CDC40: variants seen among roughly 807,000 people sequenced by gnomAD.
CDC40 encodes the protein pre-mRNA-processing factor 17.
Under a neutral mutation model 80.6 loss-of-function variants are expected in CDC40, and 27 were observed. That is an observed-to-expected ratio of 0.33 (90% CI 0.25 to 0.46). The LOEUF is 0.46. CDC40 is among the 20% of genes least tolerant of loss of function. The probability of loss-of-function intolerance (pLI) is 1.00; values close to 1 mark genes in which losing one functional copy is unlikely to be tolerated. For synonymous variants in CDC40, 221 were observed against 232.6 expected (o/e 0.95, Z 0.45); for missense variants, 486 against 694.1 (o/e 0.70, Z 3.37).
In CDC40 at chr6:110,231,069, A is replaced by G. The variant is rs1777930607; in HGVS notation, c.*938A>G. The G allele has an allele frequency of 1.3e-5, 2 of 152,248 alleles. No homozygotes were observed. The highest frequency in any genetic ancestry group is 1.3e-4 in the Admixed American group (2 of 15,288). The allele number at this position is 152,248 out of a possible 1,614,324, so 9.4% of individuals were successfully genotyped here. On this transcript the variant is annotated 3_prime_UTR_variant, in exon 15 of 15. Coordinates refer to ENST00000307731, the MANE Select transcript of CDC40 (RefSeq NM_015891.3). ...TATTTTACCTGTGAATATATACAAC[A>G]GAACTTTTTAAGATTAAAAAATTTT... is the stretch of plus-strand genomic sequence containing the variant.
intron 13 of CDC40, among the ~76,000 whole-genome samples, chr6:110,228,628 C>G (rs1485311983): frequency 2.0e-5 from 3 of 151,830 alleles, no homozygotes; most frequent in Non-Finnish European, 4.4e-5. Flanking sequence ...ATCGTATATG[C>G]AAAAGCCATT....
intron 1 of CDC40, among the ~76,000 whole-genome samples, chr6:110,187,304 G>T (rs944819578): frequency 6.6e-6 from 1 of 152,208 alleles, no homozygotes; most frequent in Admixed American, 6.5e-5. Flanking sequence ...AAAAACAAAA[G>T]CAGATCTGGC....
At chr6:110,207,435 T>C in intron 3 of CDC40, 71 bp from the exon 4 acceptor site, 1 of 795,412 alleles carries the variant, frequency 1.3e-6, no homozygotes, top group South Asian at 1.6e-5. Context: ...AATGTGTATA[T>C]TTGTATTATA....
intron 12 of CDC40, among the ~76,000 whole-genome samples, chr6:110,220,514 A>C (rs111399956): frequency 7.4e-6 from 1 of 135,846 alleles, no homozygotes; most frequent in African/African-American, 2.8e-5. Flanking sequence ...GCGCAATCTC[A>C]GCTCACTGCA....
chr6:110,182,921 G>A (rs1777219041), intron 1 of CDC40, among the ~76,000 whole-genome samples: 1 of 152,130 alleles, frequency 6.6e-6, no homozygotes, highest in Non-Finnish European at 1.5e-5. Flanking sequence ...TCACTTCCCT[G>A]CCCAAAGACA....
intron 4 of CDC40, among the ~76,000 whole-genome samples, chr6:110,208,754 C>T (rs888422209): frequency 6.6e-6 from 1 of 152,146 alleles, no homozygotes; most frequent in Non-Finnish European, 1.5e-5. Context: ...AATCCACTGA[C>T]ACAGCTTTTT....
chr6:110,230,099 G>A lies in CDC40; in HGVS notation c.1708G>A (p.Gly570Ser). The A allele has an allele frequency of 1.2e-6, 2 of 1,612,222 alleles. No individual in the cohort carries two copies. Among genetic ancestry groups the A allele is most frequent in the Non-Finnish European group, 1.7e-6 (2 of 1,178,610 alleles). The change falls in exon 15 of 15, where the codon GGT (glycine) becomes AGT (serine). Residue 570 changes from glycine (G) to serine (S), a missense_variant. Physicochemically the swap from Gly to Ser is moderately conservative, Grantham distance 56 (BLOSUM62 0). Coordinates refer to ENST00000307731, the MANE Select transcript of CDC40 (RefSeq NM_015891.3). ...TGAAACTTCTAAGGTCATAACATGT[G>A]GTTGGGATGGTCTCATTAAATTGTG... ...PHETSKVITC[G>S]WDGLIKLWD
chr6:110,217,944 A>G, intron 10 of CDC40, 141 bp downstream of exon 10: 1 of 529,940 alleles, frequency 1.9e-6, no homozygotes, highest in East Asian at 3.4e-5. Flanking sequence ...ATATCACAAA[A>G]TACATTTGTA....
chr6:110,183,964 G>T (rs539388496), intron 1 of CDC40, among the ~76,000 whole-genome samples: 22 of 151,804 alleles, frequency 1.4e-4, no homozygotes, highest in African/African-American at 5.3e-4. Flanking sequence ...TTTGTGACTT[G>T]TCTTCTCACT....
intron 9 of CDC40, 41 bp from the exon 10 acceptor site, chr6:110,217,661 A>G (rs1052672152): frequency 3.5e-6 from 3 of 865,536 alleles, no homozygotes; most frequent in African/African-American, 3.3e-5. Flanking sequence ...AAGATATATG[A>G]TACTTCACCT....
intron 1 of CDC40, 27 bp downstream of exon 1, chr6:110,180,660 G>A (rs771864383): frequency 1.3e-6 from 2 of 1,563,480 alleles, no homozygotes; most frequent in Non-Finnish European, 1.8e-6. Flanking sequence ...CTAATGCAGT[G>A]TGGGAATTGT....
intron 3 of CDC40, among the ~76,000 whole-genome samples, chr6:110,204,557 G>T (rs542768542): frequency 6.6e-6 from 1 of 151,242 alleles, no homozygotes; most frequent in East Asian, 2.0e-4. Flanking sequence ...GTAGGTAAAA[G>T]AATATGTGTT....
chr6:110,195,450 T>C (rs893901404), intron 2 of CDC40, among the ~76,000 whole-genome samples: 3 of 152,192 alleles, frequency 2.0e-5, no homozygotes, highest in African/African-American at 7.2e-5. Context: ...AATGTTTGAA[T>C]TGGGCAATTC....
intron 9 of CDC40, 147 bp from the exon 10 acceptor site, chr6:110,217,555 G>T: frequency 1.7e-6 from 1 of 591,690 alleles, no homozygotes; most frequent in Non-Finnish European, 3.0e-6. Context: ...TTCTAAGTCA[G>T]TAAATCAGGC....
At chr6:110,197,078 A>G (rs1023214106) in intron 2 of CDC40, among the ~76,000 whole-genome samples, 3 of 152,236 alleles carry the variant, frequency 2.0e-5, no homozygotes, top group Non-Finnish European at 4.4e-5. Context: ...TGACTCACCA[A>G]TACTCTACCG....
At chr6:110,214,072 A>C (rs950107196) in intron 8 of CDC40, among the ~76,000 whole-genome samples, 1 of 152,160 alleles carries the variant, frequency 6.6e-6, no homozygotes, top group African/African-American at 2.4e-5. Flanking sequence ...TAATTCATGG[A>C]TATTAACAAT....
Position 110,207,596 on chromosome 6 carries a change from TATTTG to T in CDC40, c.490+9_490+13del. 7.0e-7 allele frequency: 1 copy of T among 1,432,638 alleles called. No homozygotes were observed. 88.7% of individuals were successfully genotyped at this position (1,432,638 alleles called of 1,614,324 possible). A position where few individuals can be genotyped will look rare whatever the true frequency, so the allele number is the denominator to read the frequency against. ...GAAGCTGAAAAAAATCAAGGTAATT[TATTTG>T]AAACATTTGATATCATATATACCTA... On this transcript the variant is annotated splice_region_variant and intron_variant, in intron 4 of 14. Coordinates refer to ENST00000307731, the MANE Select transcript of CDC40 (RefSeq NM_015891.3).
intron 2 of CDC40, among the ~76,000 whole-genome samples, chr6:110,194,571 CA>C (rs1240066816): frequency 2.0e-5 from 3 of 152,174 alleles, no homozygotes; most frequent in Non-Finnish European, 2.9e-5. Context: ...CACGACGGCA[CA>C]TTTTAATTTT....
At chr6:110,215,419 G>A in intron 9 of CDC40, 88 bp downstream of exon 9, 1 of 1,004,446 alleles carries the variant, frequency 1.0e-6, no homozygotes, top group South Asian at 1.3e-5. Context: ...TACACCGATA[G>A]GAAGTAAACT....
Sources: gnomAD v4.1 joint callset for allele counts (sites outside exome capture counted in the v4.1 genomes callset) on GRCh38, gnomAD v4.1.1 for gene constraint, MANE v1.5 for transcripts, NCBI Gene and HGNC (gene_info 2026-07-23, HGNC 2026-07-21) for gene names.